CAMK2G: variants seen among roughly 807,000 people sequenced by gnomAD.
CAMK2G encodes calcium/calmodulin-dependent protein kinase type II subunit gamma.
CAMK2G carries 23 observed loss-of-function variants against 88.7 expected under a neutral mutation model. That is an observed-to-expected ratio of 0.26 (90% CI 0.19 to 0.37). CAMK2G has a LOEUF of 0.37. Among genes scored for constraint, CAMK2G ranks in the 10% least tolerant of loss-of-function variants. The pLI is 1.00. For synonymous variants in CAMK2G, 263 were observed against 294.8 expected (o/e 0.89, Z 1.11); for missense variants, 476 against 780.8 (o/e 0.61, Z 4.65).
At position 73,853,177 on chromosome 10, in the gene CAMK2G, G is replaced by C; in HGVS notation, c.275+15C>G. The C allele has an allele frequency of 1.2e-6, 2 of 1,612,950 alleles. No individual in the cohort carries two copies. Among genetic ancestry groups the C allele is most frequent in the Non-Finnish European group, 1.7e-6 (2 of 1,178,836 alleles). ...AGAGGGAAAGGCCCCCACACCCTCAGAAAGTGGCACTTACAGGTCAAACAC... is the reference window on the plus strand; with the variant it reads ...AGAGGGAAAGGCCCCCACACCCTCACAAAGTGGCACTTACAGGTCAAACAC... On this transcript the variant is annotated intron_variant, in intron 4 of 22. Transcript: ENST00000423381.
At chr10:73,815,754 A>ATT in intron 21 of CAMK2G, 1 of 956,428 alleles carries the variant, frequency 1.0e-6, no homozygotes, top group Non-Finnish European at 1.2e-6. Context: ...TTGATTTGTA[A>ATT]TTTTTTTTAA....
Position 73,870,660 on chromosome 10 carries a change from A to C in CAMK2G, c.160+2329T>G, listed in dbSNP as rs183368786. On this transcript the variant is annotated intron_variant, in intron 2 of 22. Coordinates refer to ENST00000423381, the MANE Select transcript of CAMK2G (RefSeq NM_001367534.1). Reference sequence around the variant, plus strand: ...CCCAGTGAACACAGCAAGCCCCTTCAGACCTTCACAGATGACCCTGGTGGG... The same window carrying C: ...CCCAGTGAACACAGCAAGCCCCTTCCGACCTTCACAGATGACCCTGGTGGG... Among the ~76,000 whole-genome samples the C allele has an allele frequency of 2.6e-5, 4 of 152,374 alleles. No individual in the cohort carries two copies. In the East Asian group the frequency reaches 7.7e-4, roughly 29 times the overall value.
chr10:73,842,732 TA>T lies in CAMK2G; in HGVS notation c.820-192del, dbSNP rs1298410266. Among the ~76,000 whole-genome samples the T allele has an allele frequency of 6.6e-6, 1 of 152,124 alleles. No individual in the cohort carries two copies. The highest frequency in any genetic ancestry group is 1.5e-5 in the Non-Finnish European group (1 of 68,022). On this transcript the variant is annotated intron_variant, in intron 10 of 22. Transcript: ENST00000423381. This position sits in a 1 kb window ranked among gnomAD's most constrained non-coding sequence, Gnocchi z 4.6. ...GCACTACCCGAAACTCAAGGTTACATAAGGACAACATGAACGTGAGAACACC... is the reference window on the plus strand; with the variant it reads ...GCACTACCCGAAACTCAAGGTTACATAGGACAACATGAACGTGAGAACACC...
At chr10:73,828,227 A>T in intron 14 of CAMK2G, 106 bp from the exon 15 acceptor site, 1 of 930,838 alleles carries the variant, frequency 1.1e-6, no homozygotes, top group Non-Finnish European at 1.7e-6. Context: ...TGCATCAGGG[A>T]GAAAAGAGCG....
chr10:73,843,253 AG>A (rs2093952859), intron 10 of CAMK2G, among the ~76,000 whole-genome samples: 1 of 152,044 alleles, frequency 6.6e-6, no homozygotes, highest in Non-Finnish European at 1.5e-5. Flanking sequence ...TAGTAGAGAC[AG>A]GGTTGGCCAT....
chr10:73,851,341 C>T (rs2094598933), intron 5 of CAMK2G, among the ~76,000 whole-genome samples: 1 of 152,014 alleles, frequency 6.6e-6, no homozygotes, highest in African/African-American at 2.4e-5. Flanking sequence ...CGCCTGAGAG[C>T]GTGGGTGAGG....
intron 14 of CAMK2G, among the ~76,000 whole-genome samples, chr10:73,830,642 C>T (rs116683186): frequency 0.011 from 1,663 of 152,272 alleles, 23 homozygotes; most frequent in African/African-American, 0.037. Context: ...CCATTCTGGC[C>T]TGGGACTAGC....
At chr10:73,826,719 C>T (rs936340426) in intron 15 of CAMK2G, among the ~76,000 whole-genome samples, 4 of 152,164 alleles carry the variant, frequency 2.6e-5, no homozygotes, top group African/African-American at 4.8e-5. Flanking sequence ...GATGATACAT[C>T]GACAGCTAGA....
At chr10:73,843,922 C>T (rs1053036700) in intron 10 of CAMK2G, among the ~76,000 whole-genome samples, 1 of 152,182 alleles carries the variant, frequency 6.6e-6, no homozygotes, top group Non-Finnish European at 1.5e-5. Flanking sequence ...ATAGAAGTCT[C>T]AGGGGGATCA....
chr10:73,831,082 C>T (rs1482814797), intron 14 of CAMK2G, among the ~76,000 whole-genome samples: 1 of 152,218 alleles, frequency 6.6e-6, no homozygotes, highest in Non-Finnish European at 1.5e-5. Context: ...CTTGCTTTGT[C>T]CTCTCCTTTT....
intron 2 of CAMK2G, among the ~76,000 whole-genome samples, chr10:73,862,977 T>C (rs111733851): frequency 0.013 from 2,053 of 152,290 alleles, 44 homozygotes; most frequent in African/African-American, 0.044. Flanking sequence ...TTAAGTAACT[T>C]GCCCAAGATC....
At chr10:73,870,481 C>T (rs1293552593) in intron 2 of CAMK2G, among the ~76,000 whole-genome samples, 8 of 152,196 alleles carry the variant, frequency 5.3e-5, no homozygotes, top group South Asian at 2.1e-4. Flanking sequence ...CTTCCTGTCT[C>T]GATTGGACCC....
chr10:73,836,795 C>G (rs966948683), intron 14 of CAMK2G, among the ~76,000 whole-genome samples: 2 of 152,194 alleles, frequency 1.3e-5, no homozygotes, highest in Non-Finnish European at 2.9e-5. Flanking sequence ...TGTGGGTAGC[C>G]CCAGTCACCT....
intron 2 of CAMK2G, among the ~76,000 whole-genome samples, chr10:73,861,434 C>A (rs1476394879): frequency 6.6e-6 from 1 of 152,196 alleles, no homozygotes; most frequent in East Asian, 1.9e-4. Flanking sequence ...CAGCTCACTG[C>A]AACCTTCGCC....
At chr10:73,874,355 G>C (rs1488320115) in intron 1 of CAMK2G, 42 bp downstream of exon 1, 1 of 1,376,454 alleles carries the variant, frequency 7.3e-7, no homozygotes, top group Non-Finnish European at 9.7e-7. Flanking sequence ...CATAGCTCCC[G>C]GGCGGCAGGG....
chr10:73,862,506 G>C lies in CAMK2G; in HGVS notation c.161-1617C>G, dbSNP rs141344362. Among the ~76,000 whole-genome samples, 3 of 152,306 alleles carry C rather than the reference G, an allele frequency of 2.0e-5. No homozygotes were observed. In the East Asian group the frequency reaches 5.8e-4, roughly 29 times the overall value. On this transcript the variant is annotated intron_variant, in intron 2 of 22. Coordinates refer to ENST00000423381, the MANE Select transcript of CAMK2G (RefSeq NM_001367534.1). ...ATCGCTTACTATGCACTGACTACAT[G>C]TCAGGCAGAGGCATGGATTACCATA...
chr10:73,852,039 G>A (rs1223846095), intron 5 of CAMK2G, among the ~76,000 whole-genome samples: 3 of 152,138 alleles, frequency 2.0e-5, no homozygotes, highest in Non-Finnish European at 2.9e-5. Context: ...GAGCCACTGC[G>A]CCTGGTTAGG....
At chr10:73,825,381 A>G in intron 15 of CAMK2G, 34 bp from the exon 16 acceptor site, 1 of 1,545,330 alleles carries the variant, frequency 6.5e-7, no homozygotes, top group Non-Finnish European at 9.0e-7. Flanking sequence ...TAGTTCCTCC[A>G]GAGTCCCCAA....
At chr10:73,837,947 A>G (rs1003772696) in intron 13 of CAMK2G, among the ~76,000 whole-genome samples, 8 of 152,236 alleles carry the variant, frequency 5.3e-5, no homozygotes, top group Non-Finnish European at 1.0e-4. Flanking sequence ...CTCAAGAAGC[A>G]GAGTGTCACA....
Sources: gnomAD v4.1 joint callset for allele counts (sites outside exome capture counted in the v4.1 genomes callset) on GRCh38, gnomAD v4.1.1 for gene constraint, Gnocchi (gnomAD v3.1) non-coding constraint, MANE v1.5 for transcripts, NCBI Gene and HGNC (gene_info 2026-07-23, HGNC 2026-07-21) for gene names.